Variants in CFAP46 observed in about 807,000 individuals in gnomAD.
The protein encoded by CFAP46 is cilia- and flagella-associated protein 46.
Under a neutral mutation model 325.7 loss-of-function variants are expected in CFAP46, and 245 were observed. The ratio of observed to expected loss-of-function variants is 0.75; its 90% CI spans 0.68 to 0.84. The LOEUF is 0.84. Among genes scored for constraint, CFAP46 ranks in the 40% least tolerant of loss-of-function variants. CFAP46 has a pLI of 0.00. For missense variants in CFAP46, 3,346 were observed against 3,543.0 expected, an observed-to-expected ratio of 0.94 and a Z score of 1.41; for synonymous variants, 1,523 against 1,495.9, an observed-to-expected ratio of 1.02 and a Z score of -0.42.
chr10:132,845,393 C>T (rs1408768602), intron 44 of CFAP46, among the ~76,000 whole-genome samples: 2 of 152,150 alleles, frequency 1.3e-5, no homozygotes, highest in Admixed American at 6.5e-5. Context: ...CAGCCAGTGG[C>T]GGATGCTGCC....
intron 50 of CFAP46, among the ~76,000 whole-genome samples, chr10:132,825,395 T>A (rs1037442420): frequency 6.6e-6 from 1 of 152,166 alleles, no homozygotes; most frequent in Non-Finnish European, 1.5e-5. Context: ...ATGTTAGCAT[T>A]TCTTACCATC....
At chr10:132,839,569 A>G (rs1374801944) in intron 44 of CFAP46, among the ~76,000 whole-genome samples, 1 of 152,258 alleles carries the variant, frequency 6.6e-6, no homozygotes, top group Non-Finnish European at 1.5e-5. Flanking sequence ...ATTCAATACA[A>G]GTGCTGATAG....
At chr10:132,813,470 T>C (rs57137879) in intron 54 of CFAP46, among the ~76,000 whole-genome samples, 7 of 104,814 alleles carry the variant, frequency 6.7e-5, no homozygotes, top group Admixed American at 1.1e-4. Flanking sequence ...GCCCCTGCAG[T>C]GCCACCCTCT....
At chr10:132,923,742 T>A (rs1849764932) in intron 11 of CFAP46, among the ~76,000 whole-genome samples, 1 of 151,662 alleles carries the variant, frequency 6.6e-6, no homozygotes, top group Non-Finnish European at 1.5e-5. Context: ...CCAGCAGGGG[T>A]GTGAGGGGTG....
intron 27 of CFAP46, among the ~76,000 whole-genome samples, chr10:132,883,227 G>A (rs944186586): frequency 1.3e-5 from 2 of 152,178 alleles, no homozygotes; most frequent in Admixed American, 6.5e-5. Context: ...GTTTGTAGAT[G>A]AGGCTCCTGC....
rs1423182011 is a variant in CFAP46 at position 132,869,760 on chromosome 10, G to C, written c.4512-388C>G. 1.3e-5 allele frequency among the ~76,000 whole-genome samples: 2 copies of C among 152,112 alleles called. No homozygotes were observed. Among genetic ancestry groups the C allele is most frequent in the Non-Finnish European group, 2.9e-5 (2 of 68,032 alleles). On this transcript the variant is annotated intron_variant, in intron 32 of 57. Transcript: ENST00000368586. The surrounding 1 kb of genome is among the most constrained non-coding windows in gnomAD (Gnocchi z 6.2). ...AAGCAGGAAAGTTGCACAGACACCA[G>C]GAAGCATCCCTGTGCGGGCCCCGGT...
chr10:132,929,274 C>G (rs939711377), intron 9 of CFAP46: 3 of 585,636 alleles, frequency 5.1e-6, no homozygotes, highest in Non-Finnish European at 9.1e-6. Flanking sequence ...GCTGTGGCCT[C>G]TCCCTCAGAA....
chr10:132,928,972 T>A (rs1166913277), intron 9 of CFAP46, among the ~76,000 whole-genome samples: 1 of 152,134 alleles, frequency 6.6e-6, no homozygotes, highest in African/African-American at 2.4e-5. Flanking sequence ...TAGGGAAAAA[T>A]CCTAAACGCA....
chr10:132,831,721 C>T (rs1414969460), intron 50 of CFAP46, among the ~76,000 whole-genome samples: 1 of 152,208 alleles, frequency 6.6e-6, no homozygotes, highest in Admixed American at 6.5e-5. Flanking sequence ...TGTTTAGACA[C>T]TTAATGTGAT....
chr10:132,850,300 G>A lies in CFAP46; in HGVS notation c.5896C>T (p.Leu1966=). 6.4e-7 allele frequency: 1 copy of A among 1,551,094 alleles called. No homozygotes were observed. The highest frequency in any genetic ancestry group is 1.2e-5 in the South Asian group (1 of 84,082). Residue 1966 remains leucine, a synonymous_variant, in exon 41 of 58, where the codon CTG becomes TTG. Transcript: ENST00000368586. ...LGLAGRALHL[L]AMQADPVHPT... is the part of the protein sequence containing the mutation. ...TGCACAGGGTCAGCTTGCATGGCCA[G>A]CAGGTGCAGGGCCCTCCCGGCCAGG...
At chr10:132,918,650 G>T in intron 15 of CFAP46, 130 bp from the exon 16 acceptor site, 1 of 1,243,490 alleles carries the variant, frequency 8.0e-7, no homozygotes, top group Non-Finnish European at 1.1e-6. Flanking sequence ...CAAGGTGGGC[G>T]GGTAGGCGGG....
chr10:132,852,048 CGTGGTATGTT>C, intron 39 of CFAP46, among the ~76,000 whole-genome samples: 1 of 151,950 alleles, frequency 6.6e-6, no homozygotes, highest in South Asian at 2.1e-4. Context: ...GATCCACAGA[CGTGGTATGTT>C]CCTCCATTTA....
rs900511324 is a variant in CFAP46, at chr10:132,876,314, G to A, written c.4362+498C>T. ...AACACCGCAGGTGGAGATGGTCCAGGTGTGCCCTAAATGCAATTCTGTGGG... is the reference window on the plus strand; with the variant it reads ...AACACCGCAGGTGGAGATGGTCCAGATGTGCCCTAAATGCAATTCTGTGGG... On this transcript the variant is annotated intron_variant, in intron 31 of 57. Transcript: ENST00000368586. This position sits in a 1 kb window ranked among gnomAD's most constrained non-coding sequence, Gnocchi z 4.1. Among the ~76,000 whole-genome samples, 4 of 152,246 alleles carry A rather than the reference G, an allele frequency of 2.6e-5. No individual in the cohort carries two copies. The highest frequency in any genetic ancestry group is 9.6e-5 in the African/African-American group (4 of 41,460).
At chr10:132,937,878 G>A (rs572946888) in intron 5 of CFAP46, among the ~76,000 whole-genome samples, 1 of 152,210 alleles carries the variant, frequency 6.6e-6, no homozygotes, top group Non-Finnish European at 1.5e-5. Flanking sequence ...CGCTAGCACC[G>A]GGGCATTTTG....
intron 50 of CFAP46, among the ~76,000 whole-genome samples, chr10:132,825,140 G>GGTGATGTGTGCTGTGTGTGCA (rs1226359349): frequency 7.9e-5 from 10 of 127,348 alleles, no homozygotes; most frequent in Non-Finnish European, 1.4e-4. Context: ...CTGTGTGTGT[G>GGTGATGTGTGCTGTGTGTGCA]GTGATGTGTG....
chr10:132,932,586 T>A (rs1591099420), intron 8 of CFAP46, among the ~76,000 whole-genome samples: 1 of 130,462 alleles, frequency 7.7e-6, no homozygotes, highest in Non-Finnish European at 1.6e-5. Context: ...CCCACATAGA[T>A]CCTGCAGCTT....
intron 50 of CFAP46, among the ~76,000 whole-genome samples, chr10:132,820,294 A>C (rs145230674): frequency 0.014 from 2,113 of 152,320 alleles, 21 homozygotes; most frequent in South Asian, 0.045. Flanking sequence ...TACATGAGGA[A>C]TCTAAGAGTG....
intron 39 of CFAP46, among the ~76,000 whole-genome samples, chr10:132,851,824 C>T (rs1044202959): frequency 5.7e-5 from 8 of 139,158 alleles, no homozygotes; most frequent in South Asian, 4.6e-4. Flanking sequence ...GCAAGGTATC[C>T]ACAGATCCTG....
chr10:132,929,508 G>A (rs761257049), intron 9 of CFAP46, 197 bp downstream of exon 9: 13 of 781,362 alleles, frequency 1.7e-5, no homozygotes, highest in African/African-American at 3.4e-5. Context: ...AAAGAGAAAC[G>A]GGCAGGTGTA....
Sources: allele counts gnomAD v4.1 joint callset (sites outside exome capture counted in the v4.1 genomes callset), GRCh38; gene constraint gnomAD v4.1.1; non-coding constraint Gnocchi (gnomAD v3.1); transcripts MANE v1.5; gene names NCBI Gene and HGNC (gene_info 2026-07-23, HGNC 2026-07-21).